The following SNORC variants were observed in gnomAD, a reference collection of about 807,000 sequenced individuals.
SNORC encodes secondary ossification center associated regulator of chondrocyte maturation.
A neutral mutation model predicts 9.7 loss-of-function variants in SNORC; 11 were observed. The observed-to-expected ratio is 1.14, with a 90% confidence interval of 0.72 to 1.88. The LOEUF (loss-of-function observed/expected upper bound fraction) is 1.88, where lower values mean the gene tolerates loss of function less well. SNORC is among the 40% of genes most tolerant of loss of function. SNORC has a pLI of 0.00. For missense variants in SNORC, 197 were observed against 173.1 expected (o/e 1.14, Z -0.77); for synonymous variants, 108 against 88.7 (o/e 1.22, Z -1.22).
At chr2:232,873,245 C>G (rs1311078970) in intron 1 of SNORC, among the ~76,000 whole-genome samples, 1 of 152,206 alleles carries the variant, frequency 6.6e-6, no homozygotes, top group African/African-American at 2.4e-5. Context: ...AGGATAGGCC[C>G]CAGCCCTCCT....
downstream of SNORC, chr2:232,877,633 C>A (rs1691324982): frequency 6.6e-6 from 1 of 152,558 alleles, no homozygotes; most frequent in Non-Finnish European, 1.5e-5. Context: ...CCTGCCGTGA[C>A]TTTCTCCTCC....
chr2:232,873,717 C>A (rs1691114207), intron 1 of SNORC, among the ~76,000 whole-genome samples: 1 of 152,246 alleles, frequency 6.6e-6, no homozygotes, highest in African/African-American at 2.4e-5. Flanking sequence ...TGCCCAGCCC[C>A]CAGAAGCCTG....
At chr2:232,870,551 C>T (rs1043392604) in intron 1 of SNORC, 137 bp downstream of exon 1, 28 of 847,814 alleles carry the variant, frequency 3.3e-5, no homozygotes, top group East Asian at 1.6e-4. Context: ...GGTGATTCTG[C>T]GAAGAGCTCT....
downstream of SNORC, chr2:232,876,977 G>C (rs751941397): frequency 9.4e-4 from 930 of 985,602 alleles, no homozygotes; most frequent in Non-Finnish European, 1.1e-3. This position sits in a 1 kb window ranked among gnomAD's most constrained non-coding sequence, Gnocchi z 6.8. Context: ...GCCGCTCCTT[G>C]AGGCCGGGGT....
downstream of SNORC, chr2:232,876,956 C>G (rs147495007): frequency 1.9e-3 from 1,826 of 985,530 alleles, 40 homozygotes; most frequent in Admixed American, 0.055. The surrounding 1 kb of genome is among the most constrained non-coding windows in gnomAD (Gnocchi z 6.8). Flanking sequence ...CCGACAGAGA[C>G]CCCGGGGCCC....
chr2:232,870,481 AGATTCTTC>A, intron 1 of SNORC, 67 bp downstream of exon 1: 1 of 1,437,312 alleles, frequency 7.0e-7, no homozygotes, highest in South Asian at 1.2e-5. Flanking sequence ...CCTTGGGGCC[AGATTCTTC>A]AACGTTCACT....
At chr2:232,875,594 A>G in intron 1 of SNORC, 1 of 432,274 alleles carries the variant, frequency 2.3e-6, no homozygotes, top group South Asian at 2.4e-5. Context: ...CAGGCGTCTC[A>G]GCCTGTGCTT....
upstream of SNORC, chr2:232,869,598 T>C (rs1690949042): frequency 6.6e-6 from 1 of 152,596 alleles, no homozygotes; most frequent in African/African-American, 2.4e-5. Flanking sequence ...CCTGCGGGGC[T>C]GTTGAGAAGC....
chr2:232,871,250 T>G (rs1691014437), intron 1 of SNORC, among the ~76,000 whole-genome samples: 2 of 151,864 alleles, frequency 1.3e-5, no homozygotes, highest in Admixed American at 6.5e-5. Flanking sequence ...TGGGGAGAGC[T>G]TCTGGGGGAC....
At chr2:232,877,459 C>A, downstream of SNORC, 1 of 681,844 alleles carries the variant, frequency 1.5e-6, no homozygotes, top group Non-Finnish European at 1.8e-6. Flanking sequence ...AAGGGTTGGA[C>A]AGTTTGGAGG....
Position 232,876,146 on chromosome 2 carries a change from G to C in SNORC, c.256+24G>C. ...CGGTACGGGCGGGGCGGGGGAGGGA[G>C]GGGAGAGGGAGAAATTAGGAGGGGC... On this transcript the variant is annotated intron_variant, in intron 2 of 2. Coordinates refer to ENST00000331342, the Ensembl canonical transcript of SNORC. The surrounding 1 kb of genome is among the most constrained non-coding windows in gnomAD (Gnocchi z 6.8). The C allele has an allele frequency of 6.8e-7, 1 of 1,471,324 alleles. No homozygotes were observed. Among genetic ancestry groups the C allele is most frequent in the African/African-American group, 1.5e-5 (1 of 67,992 alleles). The allele number at this position is 1,471,324 out of a possible 1,614,324, so 91.1% of individuals were successfully genotyped here. A position where few individuals can be genotyped will look rare whatever the true frequency, so the allele number is the denominator to read the frequency against.
At chr2:232,871,754 C>T (rs371233949) in intron 1 of SNORC, among the ~76,000 whole-genome samples, 1 of 152,328 alleles carries the variant, frequency 6.6e-6, no homozygotes, top group Admixed American at 6.5e-5. Flanking sequence ...TCTTTGCAGC[C>T]CCCTCACTGG....
At chr2:232,872,074 C>A (rs961776882) in intron 1 of SNORC, among the ~76,000 whole-genome samples, 2 of 152,204 alleles carry the variant, frequency 1.3e-5, no homozygotes, top group African/African-American at 4.8e-5. Flanking sequence ...CAGACCAGGC[C>A]TTCCCAACCC....
upstream of SNORC, among the ~76,000 whole-genome samples, chr2:232,867,080 A>G (rs1315758566): frequency 6.6e-6 from 1 of 152,166 alleles, no homozygotes; most frequent in Non-Finnish European, 1.5e-5. Context: ...GGCGTGAGCC[A>G]CAGTGCCCAG....
chr2:232,876,141 A>T lies in SNORC; in HGVS notation c.256+19A>T. 1.9e-6 allele frequency: 1 copy of T among 527,692 alleles called. No individual in the cohort carries two copies. The highest frequency in any genetic ancestry group is 5.4e-5 in the African/African-American group (1 of 18,634). The allele number at this position is 527,692 out of a possible 1,614,324, so 32.7% of individuals were successfully genotyped here. A position where few individuals can be genotyped will look rare whatever the true frequency, so the allele number is the denominator to read the frequency against. ...GGCGGCGGTACGGGCGGGGCGGGGG[A>T]GGGAGGGGAGAGGGAGAAATTAGGA... On this transcript the variant is annotated intron_variant, in intron 2 of 2. Transcript: ENST00000331342. This position sits in a 1 kb window ranked among gnomAD's most constrained non-coding sequence, Gnocchi z 6.8.
exon 1 of SNORC, chr2:232,870,346 C>A: frequency 6.4e-7 from 1 of 1,559,592 alleles, no homozygotes; most frequent in Non-Finnish European, 8.7e-7. Context: ...GCCAGGATGG[C>A]ATCCTGTCTG....
chr2:232,877,273 C>A (rs1335745135), downstream of SNORC: 22 of 985,354 alleles, frequency 2.2e-5, no homozygotes, highest in Middle Eastern at 5.2e-4. Context: ...CAGCTCTACT[C>A]ACCTCACTTC....
downstream of SNORC, chr2:232,878,653 C>T (rs778370): frequency 0.3 from 45,863 of 152,474 alleles, 7,092 homozygotes; most frequent in Middle Eastern, 0.36. Context: ...GAACCAAACA[C>T]CCCCTTCCTT....
Position 232,875,889 on chromosome 2 carries a change from C to T in SNORC, c.74-51C>T, listed in dbSNP as rs769758547. The T allele has an allele frequency of 2.0e-6, 3 of 1,502,150 alleles. No individual in the cohort carries two copies. In the South Asian group the frequency reaches 3.7e-5, roughly 19 times the overall value. 93.1% of individuals were successfully genotyped at this position (1,502,150 alleles called of 1,614,324 possible). A position where few individuals can be genotyped will look rare whatever the true frequency, so the allele number is the denominator to read the frequency against. On this transcript the variant is annotated intron_variant, in intron 1 of 2. Coordinates refer to ENST00000331342, the Ensembl canonical transcript of SNORC. The stretch of plus-strand genomic sequence containing the variant: ...TTAACCTAGAGGTGGGGGGTGACGT[C>T]CCTGTCGGCCCCGTCACCTGGGGCC...
Sources: allele counts gnomAD v4.1 joint callset (sites outside exome capture counted in the v4.1 genomes callset), GRCh38; gene constraint gnomAD v4.1.1; non-coding constraint Gnocchi (gnomAD v3.1); transcripts MANE v1.5; gene names NCBI Gene and HGNC (gene_info 2026-07-23, HGNC 2026-07-21).